The following STAU2 variants were observed in gnomAD, a reference collection of about 807,000 sequenced individuals.
STAU2 encodes the protein double-stranded RNA-binding protein Staufen homolog 2.
STAU2 carries 20 observed loss-of-function variants against 65.9 expected under a neutral mutation model. The observed-to-expected ratio is 0.30, with a 90% CI of 0.21 to 0.44. The LOEUF is 0.44. STAU2 is among the 20% of genes least tolerant of loss of function. The pLI is 1.00. For synonymous variants in STAU2, 232 were observed against 233.9 expected (o/e 0.99, Z 0.07); for missense variants, 558 against 683.9 (o/e 0.82, Z 2.05).
At chr8:73,461,940 T>C (rs896518159) in intron 13 of STAU2, among the ~76,000 whole-genome samples, 25 of 152,312 alleles carry the variant, frequency 1.6e-4, no homozygotes, top group South Asian at 4.1e-4. Context: ...TTCCTGCTTC[T>C]TTGTCTGCTT....
chr8:73,709,183 A>G, intron 3 of STAU2, 21 bp from the exon 4 acceptor site: 1 of 1,481,020 alleles, frequency 6.8e-7, no homozygotes, highest in Non-Finnish European at 8.9e-7. Context: ...AAAGGCTATA[A>G]AGTTTTTGTG....
At chr8:73,586,645 G>GC (rs1810398445) in intron 11 of STAU2, among the ~76,000 whole-genome samples, 1 of 32,086 alleles carries the variant, frequency 3.1e-5, no homozygotes, top group Non-Finnish European at 5.7e-5. Flanking sequence ...GAAAAAAAAT[G>GC]CAAAAAAAAA....
chr8:73,518,855 ATAAAGT>A (rs1822885748), intron 13 of STAU2, among the ~76,000 whole-genome samples: 1 of 152,186 alleles, frequency 6.6e-6, no homozygotes, highest in Admixed American at 6.5e-5. Context: ...ATTGTATATA[ATAAAGT>A]TAAATGTCAG....
At chr8:73,728,468 A>AG (rs1431939795) in intron 3 of STAU2, among the ~76,000 whole-genome samples, 61 of 151,598 alleles carry the variant, frequency 4.0e-4, no homozygotes, top group African/African-American at 1.4e-3. Context: ...TTTTGCAAAA[A>AG]AAAAAAAAAA....
chr8:73,540,066 A>C (rs1168963688), intron 13 of STAU2, among the ~76,000 whole-genome samples: 1 of 152,138 alleles, frequency 6.6e-6, no homozygotes, highest in Non-Finnish European at 1.5e-5. Flanking sequence ...GAAAAAAGAG[A>C]TATACAGTGA....
intron 6 of STAU2, among the ~76,000 whole-genome samples, chr8:73,654,477 C>G (rs903192378): frequency 8.6e-5 from 13 of 151,138 alleles, no homozygotes; most frequent in African/African-American, 3.2e-4. Context: ...CATAGTGAGA[C>G]CCCATCTCTA....
In STAU2 at chr8:73,495,662, A is replaced by AATATATATATATATATATATATAT. The variant is rs3032943; in HGVS notation, c.1530+56326_1530+56349dup. Among the ~76,000 whole-genome samples the AATATATATATATATATATATATAT allele has an allele frequency of 2.5e-3, 326 of 132,394 alleles. 4 individuals carry two copies. The highest frequency in any genetic ancestry group is 5.8e-3 in the South Asian group (23 of 3,962). 86.9% of individuals were successfully genotyped at this position (132,394 alleles called of 152,430 possible). Reference sequence around the variant, plus strand: ...CTCTAAGGAATGATTCATAAAGCCAAATATATATATATATATATATATATA... The same window carrying AATATATATATATATATATATATAT: ...CTCTAAGGAATGATTCATAAAGCCAAATATATATATATATATATATATATATATATATATATATATATATATATA... On this transcript the variant is annotated intron_variant, in intron 13 of 14. Coordinates refer to ENST00000524300, the MANE Select transcript of STAU2 (RefSeq NM_001164380.2).
chr8:73,713,398 C>T (rs546338379), intron 3 of STAU2, among the ~76,000 whole-genome samples: 1 of 152,152 alleles, frequency 6.6e-6, no homozygotes, highest in Non-Finnish European at 1.5e-5. Flanking sequence ...GATCTGTCCC[C>T]AAAGGAGTTC....
chr8:73,447,378 A>C (rs544340839), intron 13 of STAU2, among the ~76,000 whole-genome samples: 1 of 152,176 alleles, frequency 6.6e-6, no homozygotes, highest in South Asian at 2.1e-4. Context: ...AAGACACCAT[A>C]AACAGCTCGA....
intron 13 of STAU2, among the ~76,000 whole-genome samples, chr8:73,486,642 A>AAT (rs201053323): frequency 3.9e-4 from 52 of 133,118 alleles, no homozygotes; most frequent in African/African-American, 7.3e-4. Flanking sequence ...TTTATAAGTA[A>AAT]ATATATATAT....
At chr8:73,668,053 G>A (rs1817363369) in intron 6 of STAU2, among the ~76,000 whole-genome samples, 1 of 152,116 alleles carries the variant, frequency 6.6e-6, no homozygotes, top group South Asian at 2.1e-4. Context: ...CTAAAGTAAA[G>A]TATGTCCCTA....
intron 12 of STAU2, among the ~76,000 whole-genome samples, chr8:73,553,767 G>A (rs78525327): frequency 0.023 from 3,475 of 151,382 alleles, 50 homozygotes; most frequent in Non-Finnish European, 0.033. Context: ...GTATTTTTTA[G>A]CTCCATGCTT....
chr8:73,625,950 G>A (rs1813604069), intron 6 of STAU2, among the ~76,000 whole-genome samples: 1 of 152,028 alleles, frequency 6.6e-6, no homozygotes, highest in African/African-American at 2.4e-5. Context: ...TGCTAGGGGG[G>A]TATGTGAATT....
At chr8:73,442,577 A>T (rs751795538) in intron 13 of STAU2, among the ~76,000 whole-genome samples, 2 of 152,088 alleles carry the variant, frequency 1.3e-5, no homozygotes, top group African/African-American at 4.8e-5. Flanking sequence ...ACTCATGGGG[A>T]TATGAGTTAG....
chr8:73,493,676 G>C (rs1447526631), intron 13 of STAU2, among the ~76,000 whole-genome samples: 1 of 151,652 alleles, frequency 6.6e-6, no homozygotes, highest in African/African-American at 2.4e-5. Flanking sequence ...GACGTTGGTG[G>C]GAGTGTCAAA....
chr8:73,568,403 C>CA, intron 12 of STAU2, among the ~76,000 whole-genome samples: 1 of 152,250 alleles, frequency 6.6e-6, no homozygotes, highest in Admixed American at 6.5e-5. Context: ...GAGTTTGAGA[C>CA]AAGCCTGGGC....
intron 13 of STAU2, among the ~76,000 whole-genome samples, chr8:73,452,495 C>T (rs564241859): frequency 6.6e-6 from 1 of 152,308 alleles, no homozygotes; most frequent in South Asian, 2.1e-4. Flanking sequence ...TGACCCTGGC[C>T]ATTTCCCCCT....
chr8:73,421,449 T>C lies in STAU2; in HGVS notation c.1636A>G (p.Arg546Gly), dbSNP rs1032874360. 2 of 1,537,260 alleles carry C rather than the reference T, an allele frequency of 1.3e-6. No individual in the cohort carries two copies. Among genetic ancestry groups the C allele is most frequent in the African/African-American group, 2.7e-5 (2 of 73,164 alleles). ...GCCTGGTTATTGTCCGCTTTCTCTC[T>C]CAGATGCTTGGCTTGTCTGAAAGAT... ...GSLEKQAKHLREKADNNQAPP... is the reference protein window; with the variant it reads ...GSLEKQAKHLGEKADNNQAPP... Residue 546 changes from arginine (R) to glycine (G), a missense_variant, in exon 15 of 15, where the codon AGA becomes GGA. Arg to Gly is a moderately radical substitution (Grantham distance 125). Around this residue, in one of 3 missense-constraint regions of STAU2, gnomAD observed 247 missense variants for 270.1 expected, o/e 0.91. Coordinates refer to ENST00000524300, the MANE Select transcript of STAU2 (RefSeq NM_001164380.2).
intron 13 of STAU2, chr8:73,551,353 T>C (rs1807321514): frequency 1.0e-6 from 1 of 987,122 alleles, no homozygotes; most frequent in Non-Finnish European, 1.2e-6. Context: ...GACTACCCAG[T>C]GAAACAGAAT....
Sources: allele counts gnomAD v4.1 joint callset (sites outside exome capture counted in the v4.1 genomes callset), GRCh38; gene constraint gnomAD v4.1.1; regional missense constraint gnomAD v4.1.1; transcripts MANE v1.5; gene names NCBI Gene and HGNC (gene_info 2026-07-23, HGNC 2026-07-21).